The following CYB5R1 variants were observed in gnomAD, a reference collection of about 807,000 sequenced individuals.
CYB5R1 encodes cytochrome b5 reductase 1, also known as NADH-cytochrome b5 reductase 1.
Under a neutral mutation model 37.4 loss-of-function variants are expected in CYB5R1, and 32 were observed. The observed-to-expected ratio is 0.86, with a 90% CI of 0.65 to 1.15. The LOEUF (loss-of-function observed/expected upper bound fraction) is 1.15, where lower values mean the gene tolerates loss of function less well. Among genes scored for constraint, CYB5R1 ranks in the 50% most tolerant of loss-of-function variants. CYB5R1 has a pLI of 0.00. For missense variants in CYB5R1, 345 were observed against 382.5 expected, an observed-to-expected ratio of 0.90 and a Z score of 0.82; for synonymous variants, 159 against 155.2, an observed-to-expected ratio of 1.02 and a Z score of -0.18.
Position 202,962,867 on chromosome 1 carries a change from C to G in CYB5R1, c.746-168G>C, listed in dbSNP as rs568446633. ...CCTGCCTCAAGCTGAGCCTTAGCAGCACCGCCATCCCTGTCACCCACCTGG... is the reference window on the plus strand; with the variant it reads ...CCTGCCTCAAGCTGAGCCTTAGCAGGACCGCCATCCCTGTCACCCACCTGG... On this transcript the variant is annotated intron_variant, in intron 8 of 8. Transcript: ENST00000367249. 1.8e-4 allele frequency: 175 copies of G among 999,760 alleles called. 2 individuals carry two copies. In the Middle Eastern group the frequency reaches 2.0e-3, roughly 11 times the overall value. 61.9% of individuals were successfully genotyped at this position (999,760 alleles called of 1,614,324 possible). A position where few individuals can be genotyped will look rare whatever the true frequency, so the allele number is the denominator to read the frequency against.
Position 202,964,610 on chromosome 1 carries a change from AC to A in CYB5R1, c.559+1del, listed in dbSNP as rs750689377. On this transcript the variant is annotated splice_donor_variant, in intron 6 of 8. Coordinates refer to ENST00000367249, the MANE Select transcript of CYB5R1 (RefSeq NM_016243.3). LOFTEE classifies it high-confidence loss of function. ...GAGAGAAAGGCCCTCAGTGTAATGC[AC>A]CTGTCCCGCCGGCAATCATTCCCAG... The A allele has an allele frequency of 6.2e-7, 1 of 1,610,012 alleles. No homozygotes were observed. Among genetic ancestry groups the A allele is most frequent in the South Asian group, 1.1e-5 (1 of 90,968 alleles).
At chr1:202,962,985 T>C (rs140109989) in intron 8 of CYB5R1, 81 bp downstream of exon 8, 19 of 1,329,864 alleles carry the variant, frequency 1.4e-5, no homozygotes, top group African/African-American at 5.8e-5. Context: ...TTGATTTCAA[T>C]GAAGCCAGAA....
rs1571576954 is a variant in CYB5R1 at position 202,963,823 on chromosome 1, A to G, written c.560-96T>C. ...CAGCCCTTTCATCTTCATTCTGCTC[A>G]TTCACCACTCCACTCCATTTTCCTT... is the stretch of plus-strand genomic sequence containing the variant. On this transcript the variant is annotated intron_variant, in intron 6 of 8. Transcript: ENST00000367249. 4 of 673,112 alleles carry G rather than the reference A, an allele frequency of 5.9e-6. No homozygotes were observed. The South Asian group carries it at 1.0e-4, about 17-fold the overall frequency. 41.7% of individuals were successfully genotyped at this position (673,112 alleles called of 1,614,324 possible).
chr1:202,962,641 A>T lies in CYB5R1; in HGVS notation c.804T>A (p.Ala268=), dbSNP rs774558313. 1 of 1,614,140 alleles carries T rather than the reference A, an allele frequency of 6.2e-7. No individual in the cohort carries two copies. The highest frequency in any genetic ancestry group is 8.5e-7 in the Non-Finnish European group (1 of 1,180,024). The stretch of plus-strand genomic sequence containing the variant: ...GCAGTACCAGCACATCATCCCCTGG[A>T]GCGGGCAGGTGTTCCCGGATCATGT... ...TADMIREHLP[A]PGDDVLVLLC... is the part of the protein sequence containing the mutation. The change falls in exon 9 of 9, where the codon GCT becomes GCA. Residue 268 remains alanine, a synonymous_variant. Coordinates refer to ENST00000367249, the MANE Select transcript of CYB5R1 (RefSeq NM_016243.3).
At chr1:202,963,564 C>G (rs1655034997) in intron 7 of CYB5R1, 78 bp downstream of exon 7, 4 of 1,087,604 alleles carry the variant, frequency 3.7e-6, no homozygotes, top group Non-Finnish European at 5.4e-6. Flanking sequence ...TGGGCCAGTT[C>G]TGCCCATCCA....
Position 202,964,644 on chromosome 1 carries a change from G to T in CYB5R1, c.527C>A (p.Ala176Glu). 3.7e-6 allele frequency: 6 copies of T among 1,613,742 alleles called. No individual in the cohort carries two copies. The highest frequency in any genetic ancestry group is 5.1e-6 in the Non-Finnish European group (6 of 1,179,734). ...GCCGGCAATCATTCCCAGTTTCTTC[G>T]CCACTCGGGGTTCTGGTGGAGATTT... ...NKKSPPEPRVAKKLGMIAGGT... is the reference protein window; with the variant it reads ...NKKSPPEPRVEKKLGMIAGGT... Residue 176 changes from alanine to glutamate, a missense_variant, in exon 6 of 9, where the codon GCG becomes GAG. Coordinates refer to ENST00000367249, the MANE Select transcript of CYB5R1 (RefSeq NM_016243.3).
chr1:202,962,682 C>T lies in CYB5R1; in HGVS notation c.763G>A (p.Gly255Ser). The T allele has an allele frequency of 1.2e-6, 2 of 1,614,112 alleles. No homozygotes were observed. The highest frequency in any genetic ancestry group is 1.1e-5 in the South Asian group (1 of 91,084). The change falls in exon 9 of 9, where the codon GGC (glycine) becomes AGC (serine). Residue 255 changes from glycine to serine, a missense_variant. Gly to Ser is a moderately conservative substitution (Grantham distance 56, BLOSUM62 0). Transcript: ENST00000367249. ...HPPKDWAYSK[G>S]FVTADMIREH... ...CGGATCATGTCGGCAGTCACAAAGC[C>T]CTTGCTGTAGGCCCAATCTGAAGTA...
chr1:202,966,093 G>T, intron 3 of CYB5R1, 100 bp from the exon 4 acceptor site: 1 of 828,578 alleles, frequency 1.2e-6, no homozygotes, highest in Non-Finnish European at 2.0e-6. Context: ...CTTGCTTCCT[G>T]CTGTGGTCCC....
Position 202,965,950 on chromosome 1 carries a change from G to T in CYB5R1, c.282C>A (p.Val94=). 6.2e-7 allele frequency: 1 copy of T among 1,614,028 alleles called. No individual in the cohort carries two copies. Among genetic ancestry groups the T allele is most frequent in the Non-Finnish European group, 8.5e-7 (1 of 1,179,926 alleles). The change falls in exon 4 of 9, where the codon GTC becomes GTA. Residue 94 remains valine (V), a synonymous_variant. Coordinates refer to ENST00000367249, the MANE Select transcript of CYB5R1 (RefSeq NM_016243.3). ...YLSTRIDGSL[V]IRPYTPVTSD... Reference sequence around the variant, plus strand: ...TGGTGACAGGAGTGTATGGCCTGATGACCAGGCTGCCATCAATTCGGGTGG... The same window carrying T: ...TGGTGACAGGAGTGTATGGCCTGATTACCAGGCTGCCATCAATTCGGGTGG...
At chr1:202,966,119 A>C (rs1177238042) in intron 3 of CYB5R1, 126 bp from the exon 4 acceptor site, 1 of 700,416 alleles carries the variant, frequency 1.4e-6, no homozygotes, top group African/African-American at 1.8e-5. Context: ...GCTACAAGGC[A>C]GGGAAGATTT....
At chr1:202,966,968 A>G (rs1350971105) in intron 1 of CYB5R1, 70 bp from the exon 2 acceptor site, 2 of 1,505,826 alleles carry the variant, frequency 1.3e-6, no homozygotes, top group African/African-American at 2.8e-5. Flanking sequence ...TGACCGTCCC[A>G]GGGGTGGCGA....
chr1:202,964,743 C>T (rs775870278), intron 5 of CYB5R1, 48 bp from the exon 6 acceptor site: 62 of 1,371,274 alleles, frequency 4.5e-5, no homozygotes, highest in Middle Eastern at 1.8e-4. Context: ...GTCAATACAG[C>T]GAACTTAGAA....
chr1:202,963,504 G>A (rs1177039002), intron 7 of CYB5R1, 138 bp downstream of exon 7: 1 of 625,934 alleles, frequency 1.6e-6, no homozygotes, highest in Admixed American at 3.2e-5. Context: ...ATTGAAAGAG[G>A]ACCCTGTGCC....
At position 202,964,589 on chromosome 1, in the gene CYB5R1, GAAAGGCCCTCAGTGT is replaced by G; in HGVS notation, c.559+8_559+22del. 6.4e-7 allele frequency: 1 copy of G among 1,574,580 alleles called. No individual in the cohort carries two copies. Among genetic ancestry groups the G allele is most frequent in the African/African-American group, 1.3e-5 (1 of 74,152 alleles). On this transcript the variant is annotated splice_region_variant and intron_variant, in intron 6 of 8. Transcript: ENST00000367249. ...GGCAACAGTCAACAATGGTGGGAGA[GAAAGGCCCTCAGTGT>G]AATGCACCTGTCCCGCCGGCAATCA...
chr1:202,965,977 G>A lies in CYB5R1; in HGVS notation c.255C>T (p.Leu85=), dbSNP rs766475463. ...CCAGGCTGCCATCAATTCGGGTGGA[G>A]AGGTAGATATGTTTGCCTGGGGACC... is the stretch of plus-strand genomic sequence containing the variant. The part of the protein sequence containing the change: ...LGLPVGKHIY[L]STRIDGSLVI... The change falls in exon 4 of 9, where the codon CTC becomes CTT. Residue 85 remains leucine (L), a synonymous_variant. Coordinates refer to ENST00000367249, the MANE Select transcript of CYB5R1 (RefSeq NM_016243.3). The A allele has an allele frequency of 3.1e-6, 5 of 1,613,416 alleles. 1 individual carries two copies. In the South Asian group the frequency reaches 4.4e-5, roughly 14 times the overall value.
At position 202,965,736 on chromosome 1, in the gene CYB5R1, GAGTCTCCTGCCTC is replaced by G. The variant is rs1326684228; in HGVS notation, c.345+138_345+150del. Reference sequence around the variant, plus strand: ...CAACCTCCGCCTCCTGGGTTCAAGTGAGTCTCCTGCCTCAGTCTCCTGAGTAGCTCATACTTTC... The same window carrying G: ...CAACCTCCGCCTCCTGGGTTCAAGTGAGTCTCCTGAGTAGCTCATACTTTC... On this transcript the variant is annotated intron_variant, in intron 4 of 8. Coordinates refer to ENST00000367249, the MANE Select transcript of CYB5R1 (RefSeq NM_016243.3). 8.6e-6 allele frequency: 6 copies of G among 698,984 alleles called. No individual in the cohort carries two copies. The East Asian group carries it at 1.4e-4, about 16-fold the overall frequency. 43.3% of individuals were successfully genotyped at this position (698,984 alleles called of 1,614,324 possible).
At chr1:202,966,472 G>C in intron 3 of CYB5R1, 56 bp downstream of exon 3, 1 of 1,577,724 alleles carries the variant, frequency 6.3e-7, no homozygotes, top group African/African-American at 1.3e-5. Flanking sequence ...GATCCCAGGA[G>C]GGGAGTCACC....
chr1:202,966,392 G>A lies in CYB5R1; in HGVS notation c.238+136C>T, dbSNP rs1222387854. On this transcript the variant is annotated intron_variant, in intron 3 of 8. Transcript: ENST00000367249. ...GCCCAGTGGCACCTCACAGCTTGGAGGATGCAGAGCCAAGTGGGGGAAGGG... is the reference window on the plus strand; with the variant it reads ...GCCCAGTGGCACCTCACAGCTTGGAAGATGCAGAGCCAAGTGGGGGAAGGG... 5.1e-6 allele frequency: 5 copies of A among 986,626 alleles called. No individual in the cohort carries two copies. The African/African-American group carries it at 6.4e-5, about 13-fold the overall frequency. 61.1% of individuals were successfully genotyped at this position (986,626 alleles called of 1,614,324 possible).
Position 202,964,622 on chromosome 1 carries a change from G to T in CYB5R1, c.549C>A (p.Ala183=). The T allele has an allele frequency of 1.2e-6, 2 of 1,612,696 alleles. No homozygotes were observed. Among genetic ancestry groups the T allele is most frequent in the Non-Finnish European group, 1.7e-6 (2 of 1,178,952 alleles). The stretch of plus-strand genomic sequence containing the variant: ...CTCAGTGTAATGCACCTGTCCCGCC[G>T]GCAATCATTCCCAGTTTCTTCGCCA... ...PRVAKKLGMI[A]GGTGITPMLQ... is the part of the protein sequence containing the mutation. Residue 183 remains alanine (A), a synonymous_variant, in exon 6 of 9, where the codon GCC becomes GCA. Transcript: ENST00000367249.
Sources: allele counts gnomAD v4.1 joint callset, GRCh38; gene constraint gnomAD v4.1.1; transcripts MANE v1.5; gene names NCBI Gene and HGNC (gene_info 2026-07-23, HGNC 2026-07-21).